The following ZNF616 variants were observed in gnomAD, a reference collection of about 807,000 sequenced individuals.
The protein encoded by ZNF616 is zinc finger protein 616.
Under a neutral mutation model 7.6 loss-of-function variants are expected in ZNF616, and 5 were observed. The ratio of observed to expected loss-of-function variants is 0.66; its 90% CI spans 0.34 to 1.38. The LOEUF is 1.38. Among genes scored for constraint, ZNF616 ranks in the 40% most tolerant of loss-of-function variants. The probability of loss-of-function intolerance (pLI) is 0.04; values close to 1 mark genes in which losing one functional copy is unlikely to be tolerated. For missense variants in ZNF616, 913 were observed against 948.3 expected, an observed-to-expected ratio of 0.96 and a Z score of 0.49; for synonymous variants, 319 against 317.2, an observed-to-expected ratio of 1.01 and a Z score of -0.06.
At chr19:52,137,053 G>GTATATATATATATATATATATATATA (rs35226169) in intron 1 of ZNF616, among the ~76,000 whole-genome samples, 8 of 143,738 alleles carry the variant, frequency 5.6e-5, no homozygotes, top group African/African-American at 2.1e-4. Context: ...TTATGTATGT[G>GTATATATATATATATATATATATATA]TATATATATA....
At chr19:52,134,284 G>C (rs1473246801) in intron 1 of ZNF616, among the ~76,000 whole-genome samples, 2 of 152,226 alleles carry the variant, frequency 1.3e-5, no homozygotes, top group African/African-American at 4.8e-5. Context: ...TTTGAGGGAA[G>C]CACATCTCAC....
intron 2 of ZNF616, among the ~76,000 whole-genome samples, chr19:52,126,700 C>T (rs1368155959): frequency 2.0e-5 from 3 of 152,056 alleles, no homozygotes; most frequent in Non-Finnish European, 4.4e-5. Context: ...ACCCAGGAGG[C>T]AGAGGTTGCA....
At position 52,114,751 on chromosome 19, in the gene ZNF616, G is replaced by A; in HGVS notation, c.*67C>T. ...CAATTCCACAGGGATTTCAAGAGAA[G>A]GGGTAAATATACAAGGTATATCAGT... On this transcript the variant is annotated 3_prime_UTR_variant, in exon 4 of 4. Coordinates refer to ENST00000600228, the MANE Select transcript of ZNF616 (RefSeq NM_178523.5). 2 of 1,490,416 alleles carry A rather than the reference G, an allele frequency of 1.3e-6. No homozygotes were observed. The highest frequency in any genetic ancestry group is 1.8e-6 in the Non-Finnish European group (2 of 1,114,730). 92.3% of individuals were successfully genotyped at this position (1,490,416 alleles called of 1,614,324 possible).
intron 2 of ZNF616, among the ~76,000 whole-genome samples, chr19:52,124,445 C>G (rs959757474): frequency 2.6e-5 from 4 of 152,196 alleles, no homozygotes; most frequent in African/African-American, 9.7e-5. Flanking sequence ...ACCAGAGCAA[C>G]AGCAATGACT....
intron 1 of ZNF616, among the ~76,000 whole-genome samples, chr19:52,136,500 C>T (rs1243634763): frequency 1.3e-5 from 2 of 151,910 alleles, no homozygotes; most frequent in East Asian, 1.9e-4. Flanking sequence ...TACTCAAGAT[C>T]GCTAATCATC....
chr19:52,134,248 C>T (rs1285490346), intron 1 of ZNF616, among the ~76,000 whole-genome samples: 1 of 152,174 alleles, frequency 6.6e-6, no homozygotes, highest in Non-Finnish European at 1.5e-5. Flanking sequence ...AATAATTTCC[C>T]TCCTTATCAC....
intron 3 of ZNF616, among the ~76,000 whole-genome samples, chr19:52,118,327 G>A (rs991368466): frequency 3.9e-5 from 6 of 152,150 alleles, no homozygotes; most frequent in Admixed American, 1.3e-4. Flanking sequence ...AAAAGCATAT[G>A]AACTAAGATA....
intron 3 of ZNF616, among the ~76,000 whole-genome samples, chr19:52,122,918 G>T (rs558458831): frequency 2.6e-5 from 4 of 152,150 alleles, no homozygotes; most frequent in Non-Finnish European, 5.9e-5. Context: ...ATAGGCGTGA[G>T]CCACCGTGCC....
intron 2 of ZNF616, among the ~76,000 whole-genome samples, chr19:52,127,371 A>G (rs1232590725): frequency 6.6e-6 from 1 of 152,200 alleles, no homozygotes; most frequent in Non-Finnish European, 1.5e-5. Context: ...TGGAATTTAA[A>G]TAATATGTGG....
At chr19:52,117,254 A>T (rs1041506777) in intron 3 of ZNF616, among the ~76,000 whole-genome samples, 6 of 152,226 alleles carry the variant, frequency 3.9e-5, no homozygotes, top group Non-Finnish European at 5.9e-5. Context: ...AGTTTCAAAC[A>T]TCCTATGACC....
chr19:52,127,647 T>G (rs11881266), intron 2 of ZNF616, among the ~76,000 whole-genome samples: 6,083 of 152,286 alleles, frequency 0.04, 387 homozygotes, highest in African/African-American at 0.13. Flanking sequence ...TTATTTTTGC[T>G]TTTGTGGTAT....
Position 52,125,809 on chromosome 19 carries a change from G to C in ZNF616, c.13-1760C>G, listed in dbSNP as rs8107985. ...GAAAGGAACAGGATGAAAGGTTAGG[G>C]GCCACTGAGCAAAAAGATAACTGAC... is the stretch of plus-strand genomic sequence containing the variant. On this transcript the variant is annotated intron_variant, in intron 2 of 3. Coordinates refer to ENST00000600228, the MANE Select transcript of ZNF616 (RefSeq NM_178523.5). 2.1e-3 allele frequency among the ~76,000 whole-genome samples: 319 copies of C among 152,238 alleles called. 1 individual carries two copies. The highest frequency in any genetic ancestry group is 7.5e-3 in the African/African-American group (310 of 41,522).
intron 1 of ZNF616, among the ~76,000 whole-genome samples, chr19:52,134,057 G>T (rs1354282536): frequency 6.6e-6 from 1 of 152,058 alleles, no homozygotes; most frequent in African/African-American, 2.4e-5. Flanking sequence ...GCATTATTTT[G>T]TTCATTTTTA....
intron 2 of ZNF616, among the ~76,000 whole-genome samples, chr19:52,128,998 G>C (rs1194160705): frequency 6.6e-6 from 1 of 151,570 alleles, no homozygotes; most frequent in Non-Finnish European, 1.5e-5. Flanking sequence ...TACAGGCTGG[G>C]TGTGGTGGTT....
intron 1 of ZNF616, among the ~76,000 whole-genome samples, chr19:52,133,997 T>C (rs1265305634): frequency 6.6e-6 from 1 of 152,158 alleles, no homozygotes; most frequent in African/African-American, 2.4e-5. Context: ...GTCCCTGTGT[T>C]AGTTTGCCAA....
Position 52,116,010 on chromosome 19 carries a change from T to G in ZNF616, c.1154A>C (p.Glu385Ala), listed in dbSNP as rs748781509. The G allele has an allele frequency of 1.1e-5, 18 of 1,614,216 alleles. No individual in the cohort carries two copies. Among genetic ancestry groups the G allele is most frequent in the Non-Finnish European group, 1.4e-5 (17 of 1,180,038 alleles). ...HSGEKQYKCN[E>A]CGKVFSKRSS... ...ACGTTTACTGAAGACCTTGCCACAT[T>G]CATTGCATTTGTATTGTTTCTCTCC... The change falls in exon 4 of 4, where the codon GAA (glutamate) becomes GCA (alanine). Residue 385 changes from glutamate to alanine, a missense_variant. Physicochemically the swap from Glu to Ala is moderately radical, Grantham distance 107. Transcript: ENST00000600228.
chr19:52,138,843 A>C, intron 1 of ZNF616: 1 of 148,452 alleles, frequency 6.7e-6, no homozygotes, highest in South Asian at 2.2e-4. Context: ...TTTGTTACCC[A>C]CTCCCCTCTC....
In ZNF616 at chr19:52,116,047, T is replaced by G; in HGVS notation, c.1117A>C (p.Arg373=). 1 of 1,614,238 alleles carries G rather than the reference T, an allele frequency of 6.2e-7. No homozygotes were observed. The highest frequency in any genetic ancestry group is 1.1e-5 in the South Asian group (1 of 91,086). The change falls in exon 4 of 4, where the codon AGA becomes CGA. Residue 373 remains arginine, a synonymous_variant. Coordinates refer to ENST00000600228, the MANE Select transcript of ZNF616 (RefSeq NM_178523.5). Reference sequence around the variant, plus strand: ...TATTGTTTCTCTCCACTGTGGATTCTCCGGTGACATACAAGATTTGATCTA... The same window carrying G: ...TATTGTTTCTCTCCACTGTGGATTCGCCGGTGACATACAAGATTTGATCTA... ...RHRSNLVCHR[R]IHSGEKQYKC...
chr19:52,127,009 G>A (rs1254154987), intron 2 of ZNF616, among the ~76,000 whole-genome samples: 1 of 151,382 alleles, frequency 6.6e-6, no homozygotes, highest in Non-Finnish European at 1.5e-5. Flanking sequence ...ATAAAGGCCT[G>A]CAACTGAAAA....
Sources: allele counts gnomAD v4.1 joint callset (sites outside exome capture counted in the v4.1 genomes callset), GRCh38; gene constraint gnomAD v4.1.1; transcripts MANE v1.5; gene names NCBI Gene and HGNC (gene_info 2026-07-23, HGNC 2026-07-21).